Variants in DCLK1 observed in about 807,000 individuals in gnomAD.
DCLK1 encodes the protein serine/threonine-protein kinase DCLK1.
In DCLK1, 16 loss-of-function variants were observed where a neutral mutation model predicts 86.2. The ratio of observed to expected loss-of-function variants is 0.19; its 90% CI spans 0.13 to 0.28. The LOEUF (loss-of-function observed/expected upper bound fraction) is 0.28. Ranked by LOEUF, DCLK1 falls within the 10% of genes least tolerant of loss-of-function variation. The probability of loss-of-function intolerance (pLI) is 1.00; values close to 1 mark genes in which losing one functional copy is unlikely to be tolerated. For missense variants in DCLK1, 590 were observed against 940.2 expected, an observed-to-expected ratio of 0.63 and a Z score of 4.87; for synonymous variants, 369 against 370.5, an observed-to-expected ratio of 1.00 and a Z score of 0.05.
intron 6 of DCLK1, chr13:35,846,060 T>C (rs1259679216): frequency 1.3e-5 from 13 of 985,328 alleles, no homozygotes; most frequent in Non-Finnish European, 1.4e-5. Flanking sequence ...GGTAGTTCAA[T>C]GAAACATTTT....
chr13:35,872,506 G>A (rs1260987921), intron 4 of DCLK1, among the ~76,000 whole-genome samples: 1 of 152,126 alleles, frequency 6.6e-6, no homozygotes, highest in African/African-American at 2.4e-5. Flanking sequence ...GTATTTCACT[G>A]TTATAAATAA....
At chr13:35,829,027 G>A (rs1395407881) in intron 8 of DCLK1, among the ~76,000 whole-genome samples, 1 of 152,022 alleles carries the variant, frequency 6.6e-6, no homozygotes, top group African/African-American at 2.4e-5. Flanking sequence ...GGGACCCCTG[G>A]GCCCTTTTAT....
intron 2 of DCLK1, among the ~76,000 whole-genome samples, chr13:36,122,311 A>G (rs1039633425): frequency 6.6e-6 from 1 of 152,214 alleles, no homozygotes; most frequent in Non-Finnish European, 1.5e-5. Flanking sequence ...TGAAAAGCCA[A>G]GGCATACATG....
At chr13:36,130,691 A>G (rs1886332622) in intron 1 of DCLK1, among the ~76,000 whole-genome samples, 1 of 151,984 alleles carries the variant, frequency 6.6e-6, no homozygotes, top group Non-Finnish European at 1.5e-5. Context: ...GGCACACGGA[A>G]AAGCACACAC....
chr13:35,970,351 T>G (rs1485307141), intron 3 of DCLK1, among the ~76,000 whole-genome samples: 1 of 152,184 alleles, frequency 6.6e-6, no homozygotes, highest in Non-Finnish European at 1.5e-5. Flanking sequence ...AATGGTAGGA[T>G]TTTTCTAGCC....
chr13:35,785,659 C>G (rs1057161854), intron 16 of DCLK1, among the ~76,000 whole-genome samples: 1 of 152,114 alleles, frequency 6.6e-6, no homozygotes, highest in Non-Finnish European at 1.5e-5. Context: ...CAGCCTGTGC[C>G]CTCATGTGAT....
At chr13:35,924,340 A>G (rs1875976542) in intron 4 of DCLK1, among the ~76,000 whole-genome samples, 1 of 152,134 alleles carries the variant, frequency 6.6e-6, no homozygotes, top group Non-Finnish European at 1.5e-5. Context: ...TCCTGGATCC[A>G]TGGATGAGTC....
At chr13:36,062,751 A>G (rs1883599425) in intron 3 of DCLK1, among the ~76,000 whole-genome samples, 1 of 152,210 alleles carries the variant, frequency 6.6e-6, no homozygotes. Context: ...CTGACCACGG[A>G]TAGGCGTCAT....
At chr13:35,898,308 C>G (rs1259073908) in intron 4 of DCLK1, among the ~76,000 whole-genome samples, 1 of 152,176 alleles carries the variant, frequency 6.6e-6, no homozygotes, top group Non-Finnish European at 1.5e-5. Flanking sequence ...GCCCAGTCTT[C>G]CCGGAAAAGC....
chr13:35,871,612 C>T (rs558637846), intron 4 of DCLK1, among the ~76,000 whole-genome samples: 1 of 152,226 alleles, frequency 6.6e-6, no homozygotes, highest in South Asian at 2.1e-4. Flanking sequence ...GTGATATAGG[C>T]TAATAAAGAG....
At chr13:36,072,918 A>G (rs1477902454) in intron 3 of DCLK1, among the ~76,000 whole-genome samples, 1 of 152,226 alleles carries the variant, frequency 6.6e-6, no homozygotes, top group Non-Finnish European at 1.5e-5. Flanking sequence ...CATAATATAT[A>G]ACATCAACAA....
At chr13:35,836,668 C>T (rs922646686) in intron 7 of DCLK1, among the ~76,000 whole-genome samples, 4 of 152,286 alleles carry the variant, frequency 2.6e-5, no homozygotes, top group East Asian at 1.9e-4. Context: ...CACCCGTCCT[C>T]GGTATCAACG....
intron 3 of DCLK1, among the ~76,000 whole-genome samples, chr13:36,090,496 A>G (rs142901887): frequency 6.6e-6 from 1 of 152,284 alleles, no homozygotes; most frequent in African/African-American, 2.4e-5. Context: ...GAAAGGGAGA[A>G]GAGGCCAATA....
chr13:36,003,501 T>C (rs1310634681), intron 3 of DCLK1, among the ~76,000 whole-genome samples: 1 of 152,222 alleles, frequency 6.6e-6, no homozygotes, highest in African/African-American at 2.4e-5. Context: ...ATCATAAGGA[T>C]ATATTTGAAG....
chr13:35,959,642 G>C (rs568163797), intron 3 of DCLK1, among the ~76,000 whole-genome samples: 2 of 152,130 alleles, frequency 1.3e-5, no homozygotes, highest in Non-Finnish European at 2.9e-5. Context: ...GATTCAACCC[G>C]TGGGCAGGCA....
At position 35,793,357 on chromosome 13, in the gene DCLK1, G is replaced by A; in HGVS notation, c.2058+9C>T. 1 of 1,599,258 alleles carries A rather than the reference G, an allele frequency of 6.3e-7. No individual in the cohort carries two copies. The highest frequency in any genetic ancestry group is 8.5e-7 in the Non-Finnish European group (1 of 1,173,580). On this transcript the variant is annotated intron_variant, in intron 16 of 16. Transcript: ENST00000360631. Reference sequence around the variant, plus strand: ...AAAAAAGTTATAGGTGGATATTTCAGATGCTTACTGCTATGACAGAAACTC... The same window carrying A: ...AAAAAAGTTATAGGTGGATATTTCAAATGCTTACTGCTATGACAGAAACTC...
Position 35,847,206 on chromosome 13 carries a change from T to G in DCLK1, c.1035+7293A>C, listed in dbSNP as rs556841250. On this transcript the variant is annotated intron_variant, in intron 6 of 16. Coordinates refer to ENST00000360631, the MANE Select transcript of DCLK1 (RefSeq NM_001330071.2). ...TATTGGATTTAGCTGAATTTCAATTTTTTTATAAATCAGTATATCTGAATA... is the reference window on the plus strand; with the variant it reads ...TATTGGATTTAGCTGAATTTCAATTGTTTTATAAATCAGTATATCTGAATA... 6 of 983,880 alleles carry G rather than the reference T, an allele frequency of 6.1e-6. No homozygotes were observed. In the South Asian group the frequency reaches 2.4e-4, roughly 39 times the overall value. The allele number at this position is 983,880 out of a possible 1,614,324, so 60.9% of individuals were successfully genotyped here. A position where few individuals can be genotyped will look rare whatever the true frequency, so the allele number is the denominator to read the frequency against.
rs772542196 is a variant in DCLK1 at position 35,876,023 on chromosome 13, G to T, written c.824-4683C>A. On this transcript the variant is annotated intron_variant, in intron 4 of 16. Transcript: ENST00000360631. ...ACGAAAGCCTGGGAAATGTCTATCG[G>T]TGTCCATGGTCAGGGGCAGACAAAT... Among the ~76,000 whole-genome samples, 29 of 152,276 alleles carry T rather than the reference G, an allele frequency of 1.9e-4. 1 individual carries two copies. The highest frequency in any genetic ancestry group is 8.3e-4 in the South Asian group (4 of 4,824).
At chr13:35,982,099 G>A (rs964798779) in intron 3 of DCLK1, among the ~76,000 whole-genome samples, 19 of 152,078 alleles carry the variant, frequency 1.2e-4, no homozygotes, top group African/African-American at 4.1e-4. Context: ...GTACCTGATG[G>A]TTATAGAAAT....
Sources: allele counts gnomAD v4.1 joint callset (sites outside exome capture counted in the v4.1 genomes callset), GRCh38; gene constraint gnomAD v4.1.1; transcripts MANE v1.5; gene names NCBI Gene and HGNC (gene_info 2026-07-23, HGNC 2026-07-21).